The following AKR1B10 variants were observed in gnomAD, a reference collection of about 807,000 sequenced individuals.
The protein encoded by AKR1B10 is ARP.
AKR1B10 carries 39 observed loss-of-function variants against 38.9 expected under a neutral mutation model. That is an observed-to-expected ratio of 1.00 (90% CI 0.78 to 1.31). AKR1B10 has a LOEUF of 1.31. Among genes scored for constraint, AKR1B10 ranks in the 50% most tolerant of loss-of-function variants. The probability of loss-of-function intolerance (pLI) is 0.00; values close to 1 mark genes in which losing one functional copy is unlikely to be tolerated. For missense variants in AKR1B10, 361 were observed against 382.6 expected (o/e 0.94, Z 0.47); for synonymous variants, 148 against 141.2 (o/e 1.05, Z -0.34).
intron 8 of AKR1B10, among the ~76,000 whole-genome samples, chr7:134,538,689 G>A (rs112705430): frequency 0.044 from 6,654 of 152,232 alleles, 216 homozygotes; most frequent in African/African-American, 0.093. Context: ...GCCTGTGCAC[G>A]CCTGGGGTTT....
rs774817445 is a variant in AKR1B10 at position 134,527,916 on chromosome 7, C to A, written c.5C>A (p.Ala2Asp). The change falls in exon 1 of 10, where the codon GCC becomes GAC. Residue 2 changes from alanine to aspartate, a missense_variant. Transcript: ENST00000359579. ...AGAATCATTTCTGCACCAACCATGG[C>A]CACGTTTGTGGAGCTCAGTACCAAA... Reference protein sequence around the residue: MATFVELSTKAK... With the variant: MDTFVELSTKAK... 17 of 1,613,298 alleles carry A rather than the reference C, an allele frequency of 1.1e-5. No individual in the cohort carries two copies. The East Asian group carries it at 3.8e-4, about 36-fold the overall frequency.
intron 9 of AKR1B10, 120 bp downstream of exon 9, chr7:134,539,137 C>T: frequency 8.0e-7 from 1 of 1,242,620 alleles, no homozygotes; most frequent in Non-Finnish European, 1.1e-6. Flanking sequence ...TATTTTGGGG[C>T]AATTTTGAAA....
intron 4 of AKR1B10, 110 bp from the exon 5 acceptor site, chr7:134,536,540 C>A: frequency 1.3e-6 from 2 of 1,490,536 alleles, no homozygotes; most frequent in Non-Finnish European, 1.8e-6. Flanking sequence ...CTTCGGCTAA[C>A]CCTGTTACGG....
chr7:134,527,786 T>C lies in AKR1B10; in HGVS notation c.-126T>C, dbSNP rs1807720469. 2.2e-6 allele frequency: 3 copies of C among 1,380,998 alleles called. No individual in the cohort carries two copies. Among genetic ancestry groups the C allele is most frequent in the Non-Finnish European group, 3.0e-6 (3 of 1,001,736 alleles). 85.5% of individuals were successfully genotyped at this position (1,380,998 alleles called of 1,614,324 possible). ...GCTTGAACCCAGGAGACAGAGGTTG[T>C]AGTGAGCTGAGATCGCACCACTGCA... On this transcript the variant is annotated 5_prime_UTR_variant, in exon 1 of 10. Coordinates refer to ENST00000359579, the MANE Select transcript of AKR1B10 (RefSeq NM_020299.5).
At chr7:134,540,333 C>G (rs1220646895) in intron 9 of AKR1B10, among the ~76,000 whole-genome samples, 1 of 152,112 alleles carries the variant, frequency 6.6e-6, no homozygotes, top group Non-Finnish European at 1.5e-5. Flanking sequence ...CAATGGCTTA[C>G]TTTTATTGGA....
chr7:134,540,184 C>T (rs2117557644), intron 9 of AKR1B10, among the ~76,000 whole-genome samples: 1 of 152,022 alleles, frequency 6.6e-6, no homozygotes, highest in South Asian at 2.1e-4. Context: ...CGCCACTGCA[C>T]TCCATCCTGG....
At position 134,531,943 on chromosome 7, in the gene AKR1B10, G is replaced by A. The variant is rs1376877628; in HGVS notation, c.270G>A (p.Arg90=). The A allele has an allele frequency of 6.2e-7, 1 of 1,614,110 alleles. No homozygotes were observed. Among genetic ancestry groups the A allele is most frequent in the Non-Finnish European group, 8.5e-7 (1 of 1,179,988 alleles). ...CTTTCTTTGAGAGACCCCTTGTGAG[G>A]AAAGCCTTTGAGAAGACCCTCAAGG... The part of the protein sequence containing the change: ...WPTFFERPLV[R]KAFEKTLKDL... Residue 90 remains arginine (R), a synonymous_variant, in exon 3 of 10, where the codon AGG becomes AGA. Transcript: ENST00000359579.
chr7:134,528,881 G>A (rs1807772363), intron 1 of AKR1B10, among the ~76,000 whole-genome samples: 1 of 152,146 alleles, frequency 6.6e-6, no homozygotes, highest in African/African-American at 2.4e-5. Flanking sequence ...AACATGCTGG[G>A]GCTGCAGAGA....
At chr7:134,540,842 A>G (rs192221268) in intron 9 of AKR1B10, among the ~76,000 whole-genome samples, 12 of 152,174 alleles carry the variant, frequency 7.9e-5, no homozygotes, top group Non-Finnish European at 1.6e-4. Flanking sequence ...TGCCCTGCTC[A>G]CTGTCTGCCC....
Position 134,541,295 on chromosome 7 carries a change from A to G in AKR1B10, c.*206A>G, listed in dbSNP as rs1204111236. ...AATATCACAGAAAAGCATGGCTTGAATAAGGAAATGACAATTTTTTCCACT... is the reference window on the plus strand; with the variant it reads ...AATATCACAGAAAAGCATGGCTTGAGTAAGGAAATGACAATTTTTTCCACT... On this transcript the variant is annotated 3_prime_UTR_variant, in exon 10 of 10. Transcript: ENST00000359579. 2 of 509,038 alleles carry G rather than the reference A, an allele frequency of 3.9e-6. No homozygotes were observed. The highest frequency in any genetic ancestry group is 6.9e-6 in the Non-Finnish European group (2 of 290,130). The allele number at this position is 509,038 out of a possible 1,614,324, so 31.5% of individuals were successfully genotyped here.
chr7:134,538,166 G>A (rs368079017), intron 7 of AKR1B10, 28 bp from the exon 8 acceptor site: 3 of 1,598,982 alleles, frequency 1.9e-6, no homozygotes, highest in Non-Finnish European at 2.6e-6. Flanking sequence ...GGAGCTGAGT[G>A]GAAGCCTGAT....
intron 4 of AKR1B10, among the ~76,000 whole-genome samples, chr7:134,534,469 C>T (rs1807943213): frequency 6.6e-6 from 1 of 152,156 alleles, no homozygotes; most frequent in South Asian, 2.1e-4. Flanking sequence ...TCTTATGATG[C>T]CATGAAGTAT....
At chr7:134,538,378 C>A (rs1418076501) in intron 8 of AKR1B10, 101 bp downstream of exon 8, 3 of 1,132,882 alleles carry the variant, frequency 2.6e-6, no homozygotes, top group Admixed American at 4.0e-5. Flanking sequence ...TGTCTTTTGC[C>A]CCCTCCCTTC....
rs773330080 is a variant in AKR1B10, at chr7:134,536,695, G to T, written c.475G>T (p.Val159Phe). 1.2e-6 allele frequency: 2 copies of T among 1,613,906 alleles called. No homozygotes were observed. Among genetic ancestry groups the T allele is most frequent in the Non-Finnish European group, 1.7e-6 (2 of 1,179,826 alleles). Residue 159 changes from valine to phenylalanine, a missense_variant, in exon 5 of 10, where the codon GTC becomes TTC. Transcript: ENST00000359579. ...VDEGLVKALG[V>F]SNFSHFQIEK... Reference sequence around the variant, plus strand: ...TGAGGGGCTGGTGAAAGCCCTTGGGGTCTCCAATTTCAGCCACTTCCAGAT... The same window carrying T: ...TGAGGGGCTGGTGAAAGCCCTTGGGTTCTCCAATTTCAGCCACTTCCAGAT...
Position 134,539,139 on chromosome 7 carries a change from A to G in AKR1B10, c.908+122A>G, listed in dbSNP as rs1808086410. On this transcript the variant is annotated intron_variant, in intron 9 of 9. Coordinates refer to ENST00000359579, the MANE Select transcript of AKR1B10 (RefSeq NM_020299.5). ...TGTCTTCAAATACTATTTTGGGGCA[A>G]TTTTGAAAGTTAAAATTGGGGTACC... is the stretch of plus-strand genomic sequence containing the variant. 4 of 1,207,108 alleles carry G rather than the reference A, an allele frequency of 3.3e-6. No individual in the cohort carries two copies. The African/African-American group carries it at 4.6e-5, about 14-fold the overall frequency. 74.8% of individuals were successfully genotyped at this position (1,207,108 alleles called of 1,614,324 possible). A position where few individuals can be genotyped will look rare whatever the true frequency, so the allele number is the denominator to read the frequency against.
intron 9 of AKR1B10, among the ~76,000 whole-genome samples, chr7:134,540,137 G>A (rs1180643363): frequency 4.6e-5 from 7 of 151,966 alleles, no homozygotes; most frequent in African/African-American, 1.7e-4. Flanking sequence ...AGAATGGTGT[G>A]AACCCGGGAG....
intron 2 of AKR1B10, 51 bp downstream of exon 2, chr7:134,530,861 A>T: frequency 6.4e-7 from 1 of 1,563,976 alleles, no homozygotes; most frequent in Non-Finnish European, 8.6e-7. Context: ...AGGCAGAAGT[A>T]TCTGGGTCGG....
intron 2 of AKR1B10, among the ~76,000 whole-genome samples, chr7:134,531,309 ATGTTGGG>A (rs903721911): frequency 5.9e-5 from 9 of 152,310 alleles, no homozygotes; most frequent in African/African-American, 2.2e-4. Flanking sequence ...AAAGAAGAAG[ATGTTGGG>A]TGTGAGAGGG....
chr7:134,538,228 T>A lies in AKR1B10; in HGVS notation c.776T>A (p.Ile259Asn). The change falls in exon 8 of 10, where the codon ATT becomes AAT. Residue 259 changes from isoleucine (I) to asparagine (N), a missense_variant. Ile to Asn is a moderately radical substitution (Grantham distance 149). This residue lies in a region of AKR1B10 where 132 missense variants were observed against 134.6 expected (regional missense o/e 0.98). Transcript: ENST00000359579. ...CGTTTCCATATCCAGAGGAATGTGA[T>A]TGTCATCCCCAAGTCTGTGACACCA... ...LIRFHIQRNV[I>N]VIPKSVTPAR... 6.2e-7 allele frequency: 1 copy of A among 1,614,080 alleles called. No homozygotes were observed. The highest frequency in any genetic ancestry group is 1.1e-5 in the South Asian group (1 of 91,072).
Sources: gnomAD v4.1 joint callset for allele counts (sites outside exome capture counted in the v4.1 genomes callset) on GRCh38, gnomAD v4.1.1 for gene constraint, gnomAD v4.1.1 regional missense constraint, MANE v1.5 for transcripts, NCBI Gene and HGNC (gene_info 2026-07-23, HGNC 2026-07-21) for gene names.